Variants in ANKRD62 observed in about 807,000 individuals in gnomAD.
The protein encoded by ANKRD62 is ankyrin repeat domain-containing protein 62.
In ANKRD62, 61 loss-of-function variants were observed where a neutral mutation model predicts 98.8. The ratio of observed to expected loss-of-function variants is 0.62; its 90% confidence interval spans 0.50 to 0.76. The LOEUF (loss-of-function observed/expected upper bound fraction) is 0.76. Among genes scored for constraint, ANKRD62 ranks in the 30% least tolerant of loss-of-function variants. ANKRD62 has a pLI of 0.00. For synonymous variants in ANKRD62, 341 were observed against 367.9 expected (o/e 0.93, Z 0.84); for missense variants, 933 against 1,082.9 (o/e 0.86, Z 1.94).
intron 12 of ANKRD62, 116 bp downstream of exon 12, chr18:12,124,436 T>C (rs1909846926): frequency 2.4e-6 from 1 of 411,926 alleles, no homozygotes; most frequent in South Asian, 5.6e-5. Context: ...ATCTTAAAAA[T>C]AAATGATACT....
intron 8 of ANKRD62, among the ~76,000 whole-genome samples, chr18:12,107,967 A>G (rs1909452707): frequency 6.6e-6 from 1 of 152,180 alleles, no homozygotes; most frequent in Non-Finnish European, 1.5e-5. Flanking sequence ...TTATTTCTTT[A>G]TATGAAATTG....
intron 8 of ANKRD62, among the ~76,000 whole-genome samples, chr18:12,109,875 A>T (rs755945786): frequency 6.6e-5 from 10 of 151,690 alleles, no homozygotes; most frequent in Non-Finnish European, 1.3e-4. Context: ...CTGTCACTCG[A>T]TAAATGAATT....
chr18:12,145,552 G>A, the ANKRD62 span, among the ~76,000 whole-genome samples: 2,878 of 151,942 alleles, frequency 0.019, 85 homozygotes, highest in African/African-American at 0.065. Flanking sequence ...CCTGTGAAAT[G>A]AGGCCAGACT....
At chr18:12,103,127 A>C in intron 6 of ANKRD62, 31 bp from the exon 7 acceptor site, 1 of 1,333,300 alleles carries the variant, frequency 7.5e-7, no homozygotes, top group East Asian at 2.9e-5. Flanking sequence ...TAAGTAGTTC[A>C]TTTTAACTAA....
At chr18:12,171,309 A>G in the ANKRD62 span, among the ~76,000 whole-genome samples, 1 of 152,150 alleles carries the variant, frequency 6.6e-6, no homozygotes, top group Admixed American at 6.5e-5. Context: ...TGCTTCCTTC[A>G]GGAGCTCTTG....
the ANKRD62 span, among the ~76,000 whole-genome samples, chr18:12,177,441 G>A: frequency 2.8e-4 from 43 of 152,308 alleles, 2 homozygotes; most frequent in South Asian, 8.9e-3. Context: ...AGCTGGGCAT[G>A]GGCAATAGTG....
the ANKRD62 span, among the ~76,000 whole-genome samples, chr18:12,155,302 A>G: frequency 0.21 from 31,640 of 152,202 alleles, 4,245 homozygotes; most frequent in East Asian, 0.54. Flanking sequence ...GTGAGTCTCC[A>G]CATCCTTTTC....
the ANKRD62 span, among the ~76,000 whole-genome samples, chr18:12,151,808 G>A: frequency 6.6e-6 from 1 of 151,996 alleles, no homozygotes; most frequent in Non-Finnish European, 1.5e-5. Flanking sequence ...TAATAAGATA[G>A]ATAGACCACT....
the ANKRD62 span, among the ~76,000 whole-genome samples, chr18:12,171,021 G>C: frequency 3.3e-4 from 49 of 147,376 alleles, no homozygotes; most frequent in Middle Eastern, 3.6e-3. Flanking sequence ...TATTTTGAGC[G>C]TATGTGTGTC....
intron 10 of ANKRD62, among the ~76,000 whole-genome samples, chr18:12,119,441 A>T (rs1909738832): frequency 1.3e-5 from 2 of 150,498 alleles, no homozygotes; most frequent in African/African-American, 4.9e-5. Flanking sequence ...ACAGTTCTGG[A>T]GTCTGCAGAG....
chr18:12,121,297 T>C lies in ANKRD62; in HGVS notation c.1241-1006T>C, dbSNP rs1241391901. 3.3e-5 allele frequency among the ~76,000 whole-genome samples: 5 copies of C among 152,224 alleles called. No individual in the cohort carries two copies. The East Asian group carries it at 9.6e-4, about 29-fold the overall frequency. On this transcript the variant is annotated intron_variant, in intron 10 of 13. Transcript: ENST00000587848. ...TAGATTTTGAGTAATTTGCCACTCC[T>C]GAGGCAAGAGTTTTCGGATTATTTG...
At chr18:12,106,271 G>A (rs1330137893) in intron 7 of ANKRD62, among the ~76,000 whole-genome samples, 1 of 152,106 alleles carries the variant, frequency 6.6e-6, no homozygotes, top group Non-Finnish European at 1.5e-5. Flanking sequence ...ACTTTATTAT[G>A]TCAGTACCAT....
chr18:12,098,921 A>G (rs1909241908), intron 5 of ANKRD62, among the ~76,000 whole-genome samples: 1 of 152,230 alleles, frequency 6.6e-6, no homozygotes, highest in Non-Finnish European at 1.5e-5. Flanking sequence ...GACATCTGTT[A>G]GCTTTCTGCC....
the ANKRD62 span, among the ~76,000 whole-genome samples, chr18:12,135,157 A>G: frequency 1.4e-5 from 2 of 148,142 alleles, no homozygotes; most frequent in East Asian, 2.0e-4. Context: ...TCGTCATTTA[A>G]CATTAGGTAT....
the ANKRD62 span, among the ~76,000 whole-genome samples, chr18:12,167,513 A>G: frequency 6.6e-6 from 1 of 152,000 alleles, no homozygotes; most frequent in East Asian, 1.9e-4. Context: ...TATGTGCCAC[A>G]TTTTCTTAAT....
chr18:12,094,470 TGG>T (rs1196829836), intron 1 of ANKRD62, among the ~76,000 whole-genome samples: 1 of 740 alleles, frequency 1.4e-3, no homozygotes, highest in South Asian at 0.038. Flanking sequence ...TGGAGTTGGG[TGG>T]GGGTTGGAAG....
the ANKRD62 span, among the ~76,000 whole-genome samples, chr18:12,141,098 TCA>T: frequency 2.0e-5 from 3 of 152,208 alleles, no homozygotes; most frequent in Admixed American, 6.5e-5. Context: ...CAGTTTGATC[TCA>T]GACTGCTGTG....
At chr18:12,174,647 T>A in the ANKRD62 span, among the ~76,000 whole-genome samples, 2 of 152,038 alleles carry the variant, frequency 1.3e-5, no homozygotes, top group East Asian at 3.9e-4. Flanking sequence ...CTTCAATCTT[T>A]GAGGTTGCTG....
intron 10 of ANKRD62, among the ~76,000 whole-genome samples, chr18:12,119,271 CT>C (rs1175224095): frequency 6.6e-6 from 1 of 150,384 alleles, no homozygotes; most frequent in Non-Finnish European, 1.5e-5. Context: ...TTCTCTTCTT[CT>C]TGATCAGCCA....
Sources: allele counts gnomAD v4.1 joint callset (sites outside exome capture counted in the v4.1 genomes callset), GRCh38; gene constraint gnomAD v4.1.1; transcripts MANE v1.5; gene names NCBI Gene and HGNC (gene_info 2026-07-23, HGNC 2026-07-21).